NBPF8: variants seen among roughly 807,000 people sequenced by gnomAD.
NBPF8 encodes the protein NBPF family member NBPF8.
intron 16 of NBPF8, among the ~76,000 whole-genome samples, chr1:120,456,074 C>A (rs148725339): frequency 6.6e-6 from 1 of 151,834 alleles, no homozygotes; most frequent in South Asian, 2.1e-4. Context: ...TGTAGTTGTG[C>A]GGTTTTGAGT....
At chr1:120,465,404 G>T in intron 24 of NBPF8, 33 bp downstream of exon 22, 1 of 573,924 alleles carries the variant, frequency 1.7e-6, no homozygotes, top group Admixed American at 2.4e-5. Context: ...GCTTAATTCT[G>T]TGTTAACACC....
downstream of NBPF8, among the ~76,000 whole-genome samples, chr1:120,468,290 G>T (rs1278076361): frequency 2.0e-5 from 3 of 151,452 alleles, no homozygotes; most frequent in African/African-American, 7.3e-5. Flanking sequence ...ATATATTAAC[G>T]CTCATGAGCT....
intron 1 of NBPF8, among the ~76,000 whole-genome samples, chr1:120,424,616 G>A (rs1348691260): frequency 1.3e-5 from 2 of 151,818 alleles, no homozygotes; most frequent in African/African-American, 4.8e-5. Flanking sequence ...CCTGGCTAAT[G>A]TTTGTATTTT....
chr1:120,421,122 G>A (rs1199558590), intron 1 of NBPF8, among the ~76,000 whole-genome samples: 1 of 151,798 alleles, frequency 6.6e-6, no homozygotes, highest in East Asian at 1.9e-4. Flanking sequence ...CATTCTTTTG[G>A]GCACCAGAAC....
chr1:120,454,655 A>C (rs1570940886), intron 15 of NBPF8, among the ~76,000 whole-genome samples: 2 of 124,304 alleles, frequency 1.6e-5, no homozygotes, highest in Non-Finnish European at 1.6e-5. Context: ...CTGGTTCTCC[A>C]CCCTGTCAAT....
intron 13 of NBPF8, among the ~76,000 whole-genome samples, chr1:120,452,541 G>C (rs1553249083): frequency 0.034 from 5,130 of 152,018 alleles, 276 homozygotes; most frequent in African/African-American, 0.12. Flanking sequence ...CTCCTCCCTT[G>C]ATGGAAGGTG....
chr1:120,459,673 C>T (rs1661520020), intron 17 of NBPF8, 143 bp downstream of exon 15: 1 of 833,922 alleles, frequency 1.2e-6, no homozygotes, highest in African/African-American at 1.7e-5. Context: ...ATTTCAATCA[C>T]TCTGGAGTCG....
exon 25 of NBPF8, chr1:120,466,020 A>G (rs1553250785): frequency 1.3e-4 from 214 of 1,611,634 alleles, no homozygotes; most frequent in Admixed American, 6.2e-4. Context: ...CTGAAGTCTT[A>G]CAGGACTCAC....
rs1553249844 is a variant in NBPF8 at position 120,457,736 on chromosome 1, A to AAAT, written n.2621-1630_2621-1629insATA. ...CTAAGACTTAAAGTATTAAAAAAAA[A>AAAT]ATATATATATATATATACATACACA... is the stretch of plus-strand genomic sequence containing the variant. On this transcript the variant is annotated intron_variant and non_coding_transcript_variant, in intron 16 of 24. Transcript: ENST00000583271. Among the ~76,000 whole-genome samples the AAAT allele has an allele frequency of 2.8e-3, 151 of 53,774 alleles. 48 individuals carry two copies. The highest frequency in any genetic ancestry group is 0.018 in the African/African-American group (133 of 7,356). 35.3% of individuals were successfully genotyped at this position (53,774 alleles called of 152,430 possible).
upstream of NBPF8, chr1:120,432,485 A>C (rs1440244172): frequency 3.2e-4 from 48 of 148,974 alleles, no homozygotes; most frequent in Admixed American, 3.0e-3. Context: ...ATGGATGCTC[A>C]TGATAGTTTC....
At chr1:120,431,321 AATATAT>A (rs1336548048) in intron 3 of NBPF8, among the ~76,000 whole-genome samples, 1 of 80,858 alleles carries the variant, frequency 1.2e-5, no homozygotes, top group African/African-American at 6.6e-5. Flanking sequence ...CCAAATAGGG[AATATAT>A]ATATATATAT....
At chr1:120,464,133 CTGTG>C (rs1169651864) in intron 22 of NBPF8, among the ~76,000 whole-genome samples, 1,459 of 38,810 alleles carry the variant, frequency 0.038, 28 homozygotes, top group Non-Finnish European at 0.048. Flanking sequence ...CTCTCTCTCT[CTGTG>C]TGTGTGTGTG....
chr1:120,454,243 G>A (rs1362008878), intron 15 of NBPF8, 129 bp downstream of exon 13: 4 of 1,551,382 alleles, frequency 2.6e-6, no homozygotes, highest in Non-Finnish European at 3.5e-6. Flanking sequence ...AGATATCAGG[G>A]AGTTTTTTTG....
At chr1:120,457,788 A>T (rs1359275884) in intron 16 of NBPF8, among the ~76,000 whole-genome samples, 2 of 53,526 alleles carry the variant, frequency 3.7e-5, no homozygotes, top group African/African-American at 2.8e-4. Context: ...AAAACTATAC[A>T]TATGGAAAAA....
rs1296846675 is a variant in NBPF8, at chr1:120,457,727, TA to T, written n.2621-1630del. ...ACATGTACCCTAAGACTTAAAGTAT[TA>T]AAAAAAAAATATATATATATATATA... is the stretch of plus-strand genomic sequence containing the variant. On this transcript the variant is annotated intron_variant and non_coding_transcript_variant, in intron 16 of 24. Coordinates refer to ENST00000583271, the Ensembl canonical transcript of NBPF8. Among the ~76,000 whole-genome samples the T allele has an allele frequency of 1.8e-3, 95 of 53,276 alleles. 22 individuals carry two copies. Among genetic ancestry groups the T allele is most frequent in the African/African-American group, 6.5e-3 (46 of 7,090 alleles). The allele number at this position is 53,276 out of a possible 152,430, so 35.0% of individuals were successfully genotyped here. A position where few individuals can be genotyped will look rare whatever the true frequency, so the allele number is the denominator to read the frequency against.
chr1:120,456,350 A>G (rs1221707205), intron 16 of NBPF8, among the ~76,000 whole-genome samples: 2 of 149,866 alleles, frequency 1.3e-5, no homozygotes, highest in Non-Finnish European at 2.9e-5. Flanking sequence ...GATCTGTCTA[A>G]TATTGACACT....
At chr1:120,462,386 A>T (rs1353261516) in intron 20 of NBPF8, among the ~76,000 whole-genome samples, 189 bp downstream of exon 18, 3 of 148,968 alleles carry the variant, frequency 2.0e-5, no homozygotes, top group Non-Finnish European at 4.5e-5. Flanking sequence ...TCATTTACTA[A>T]CTTACTATAG....
chr1:120,431,359 A>AATATAT (rs869036983), upstream of NBPF8, among the ~76,000 whole-genome samples: 259 of 41,994 alleles, frequency 6.2e-3, 1 homozygote, highest in Non-Finnish European at 7.7e-3. Context: ...CCAAATAGGG[A>AATATAT]ATATATATAT....
intron 20 of NBPF8, among the ~76,000 whole-genome samples, 168 bp downstream of exon 18, chr1:120,462,365 T>G (rs1213047063): frequency 6.7e-6 from 1 of 149,472 alleles, no homozygotes; most frequent in East Asian, 2.0e-4. Context: ...TTCCATTTCT[T>G]CCTCCCCTTA....
Sources: allele counts gnomAD v4.1 joint callset (sites outside exome capture counted in the v4.1 genomes callset), GRCh38; gene constraint gnomAD v4.1.1; transcripts MANE v1.5; gene names NCBI Gene and HGNC (gene_info 2026-07-23, HGNC 2026-07-21).